The following SFRP1 variants were observed in gnomAD, a reference collection of about 807,000 sequenced individuals.
SFRP1 encodes the protein secreted frizzled related protein 1, also known as secreted frizzled-related protein 1.
In SFRP1, 9 loss-of-function variants were observed where a neutral mutation model predicts 25.9. The observed-to-expected ratio is 0.35, with a 90% CI of 0.21 to 0.61. SFRP1 has a LOEUF of 0.61. Ranked by LOEUF, SFRP1 falls within the 20% of genes least tolerant of loss-of-function variation. The pLI, the probability that SFRP1 is intolerant of heterozygous loss-of-function variation, is 0.78. For synonymous variants in SFRP1, 178 were observed against 174.0 expected (o/e 1.02, Z -0.18); for missense variants, 346 against 418.2 (o/e 0.83, Z 1.51).
At position 41,309,298 on chromosome 8, in the gene SFRP1, T is replaced by A. The variant is rs1401104195; in HGVS notation, c.-139A>T. 2.9e-6 allele frequency: 3 copies of A among 1,030,858 alleles called. No homozygotes were observed. The African/African-American group carries it at 5.0e-5, about 17-fold the overall frequency. The allele number at this position is 1,030,858 out of a possible 1,614,324, so 63.9% of individuals were successfully genotyped here. ...GTTGCCCGGCTCCGCGGCCGCAAGC[T>A]GCTGCCCGGTCCCCCCGGCCAGTGG... On this transcript the variant is annotated 5_prime_UTR_variant, in exon 1 of 3. Transcript: ENST00000220772.
chr8:41,267,941 C>G (rs1803456624), intron 2 of SFRP1, among the ~76,000 whole-genome samples: 1 of 152,210 alleles, frequency 6.6e-6, no homozygotes, highest in Non-Finnish European at 1.5e-5. Flanking sequence ...TTCAAAATGA[C>G]TTCACTTATG....
chr8:41,273,204 T>C (rs1232041511), intron 2 of SFRP1, among the ~76,000 whole-genome samples: 1 of 152,142 alleles, frequency 6.6e-6, no homozygotes, highest in Non-Finnish European at 1.5e-5. Flanking sequence ...TAAAATGTAT[T>C]ATCAGCCAGG....
rs79212859 is a variant in SFRP1, at chr8:41,308,006, A to G, written c.544+610T>C. On this transcript the variant is annotated intron_variant, in intron 1 of 2. Coordinates refer to ENST00000220772, the MANE Select transcript of SFRP1 (RefSeq NM_003012.5). ...TGGTACCTGGAAGGGGTGGAGAAAC[A>G]GAAGTCCCCACGGTTCCTAAACTTT... is the stretch of plus-strand genomic sequence containing the variant. 7.1e-3 allele frequency among the ~76,000 whole-genome samples: 1,084 copies of G among 152,340 alleles called. 10 individuals carry two copies. Among genetic ancestry groups the G allele is most frequent in the African/African-American group, 0.024 (1,006 of 41,578 alleles).
chr8:41,301,648 T>C (rs745606901), intron 2 of SFRP1, among the ~76,000 whole-genome samples: 3 of 152,180 alleles, frequency 2.0e-5, no homozygotes, highest in Non-Finnish European at 2.9e-5. Flanking sequence ...AGGACTCCAG[T>C]TGAGAAAGTC....
chr8:41,283,396 G>C (rs1243397534), intron 2 of SFRP1, among the ~76,000 whole-genome samples: 1 of 152,066 alleles, frequency 6.6e-6, no homozygotes, highest in African/African-American at 2.4e-5. Context: ...ACCCCCGTGA[G>C]ACCATCTAGA....
chr8:41,275,562 G>A (rs1446593292), intron 2 of SFRP1, among the ~76,000 whole-genome samples: 8 of 151,844 alleles, frequency 5.3e-5, no homozygotes, highest in Admixed American at 3.9e-4. Flanking sequence ...GAGTGCAGTG[G>A]CGGAATCTCG....
chr8:41,282,031 G>C (rs1253775620), intron 2 of SFRP1, among the ~76,000 whole-genome samples: 1 of 152,182 alleles, frequency 6.6e-6, no homozygotes, highest in Non-Finnish European at 1.5e-5. Flanking sequence ...CAGGGCCAAG[G>C]GCGCAAAAGG....
In SFRP1 at chr8:41,266,624, C is replaced by T. The variant is rs371482875; in HGVS notation, c.623-1135G>A. ...CTGATTTTTTTTTTTTTTTAAGAGACGGATCTTACTATGTTGCCCAGAACT... is the reference window on the plus strand; with the variant it reads ...CTGATTTTTTTTTTTTTTTAAGAGATGGATCTTACTATGTTGCCCAGAACT... On this transcript the variant is annotated intron_variant, in intron 2 of 2. Coordinates refer to ENST00000220772, the MANE Select transcript of SFRP1 (RefSeq NM_003012.5). 1.7e-4 allele frequency among the ~76,000 whole-genome samples: 25 copies of T among 150,386 alleles called. No individual in the cohort carries two copies. The East Asian group carries it at 3.3e-3, about 20-fold the overall frequency.
intron 2 of SFRP1, among the ~76,000 whole-genome samples, chr8:41,282,346 G>A (rs7844302): frequency 0.5 from 75,500 of 151,980 alleles, 19,704 homozygotes; most frequent in African/African-American, 0.67. Flanking sequence ...CAAGACTCCA[G>A]CTCTACATTT....
In SFRP1 at chr8:41,265,294, C is replaced by A; in HGVS notation, c.818G>T (p.Arg273Leu). The change falls in exon 3 of 3, where the codon CGC becomes CTC. Residue 273 changes from arginine (R) to leucine (L), a missense_variant. Transcript: ENST00000220772. Reference sequence around the variant, plus strand: ...CAGCAAGTACTGGCTCTTCACCTTGCGGCCCATGATGAGGAAGTGGTGGCT... The same window carrying A: ...CAGCAAGTACTGGCTCTTCACCTTGAGGCCCATGATGAGGAAGTGGTGGCT... ...NLSHHFLIMG[R>L]KVKSQYLLTA... 1 of 1,614,182 alleles carries A rather than the reference C, an allele frequency of 6.2e-7. No individual in the cohort carries two copies. The highest frequency in any genetic ancestry group is 8.5e-7 in the Non-Finnish European group (1 of 1,180,030).
At chr8:41,290,435 G>C (rs1054784972) in intron 2 of SFRP1, among the ~76,000 whole-genome samples, 6 of 152,226 alleles carry the variant, frequency 3.9e-5, no homozygotes, top group African/African-American at 7.2e-5. Flanking sequence ...TGCTGCCCCT[G>C]GTCAATAACA....
At chr8:41,300,448 T>C (rs16890443) in intron 2 of SFRP1, among the ~76,000 whole-genome samples, 3,164 of 152,108 alleles carry the variant, frequency 0.021, 114 homozygotes, top group African/African-American at 0.073. Flanking sequence ...CTGAAGAAGG[T>C]AGTACAAGTG....
intron 2 of SFRP1, among the ~76,000 whole-genome samples, chr8:41,292,714 G>A (rs1411745276): frequency 6.6e-6 from 1 of 152,208 alleles, no homozygotes; most frequent in Non-Finnish European, 1.5e-5. Context: ...GTCAACAGAT[G>A]TGGTACAGAC....
intron 2 of SFRP1, among the ~76,000 whole-genome samples, chr8:41,268,692 C>G (rs1803465321): frequency 6.6e-6 from 1 of 152,156 alleles, no homozygotes; most frequent in Non-Finnish European, 1.5e-5. Flanking sequence ...TGCAGACTAC[C>G]AACAATGTTG....
chr8:41,306,055 C>A (rs1287354700), intron 1 of SFRP1, among the ~76,000 whole-genome samples: 2 of 151,952 alleles, frequency 1.3e-5, no homozygotes, highest in African/African-American at 4.9e-5. Flanking sequence ...AATGCATCAG[C>A]CTGGGAGTTC....
At chr8:41,283,407 C>T (rs373625317) in intron 2 of SFRP1, among the ~76,000 whole-genome samples, 1 of 152,136 alleles carries the variant, frequency 6.6e-6, no homozygotes, top group Non-Finnish European at 1.5e-5. Flanking sequence ...ACCATCTAGA[C>T]AGAAAACGTG....
chr8:41,275,189 A>G (rs1803556245), intron 2 of SFRP1: 1 of 453,442 alleles, frequency 2.2e-6, no homozygotes, highest in African/African-American at 2.0e-5. Context: ...TCTGCCTGGA[A>G]CCTGCTCCCT....
intron 2 of SFRP1, among the ~76,000 whole-genome samples, chr8:41,279,267 A>G (rs1302427391): frequency 6.6e-6 from 1 of 152,000 alleles, no homozygotes; most frequent in African/African-American, 2.4e-5. Flanking sequence ...TCAAAGACTC[A>G]CTCGCCAGAC....
chr8:41,265,126 A>ACCCCCCCC lies in SFRP1; in HGVS notation c.*40_*41insGGGGGGGG. 1 of 136,966 alleles carries ACCCCCCCC rather than the reference A, an allele frequency of 7.3e-6. No homozygotes were observed. The highest frequency in any genetic ancestry group is 1.4e-4 in the East Asian group (1 of 7,228). 8.5% of individuals were successfully genotyped at this position (136,966 alleles called of 1,614,324 possible). On this transcript the variant is annotated 3_prime_UTR_variant, in exon 3 of 3. Coordinates refer to ENST00000220772, the MANE Select transcript of SFRP1 (RefSeq NM_003012.5). ...CCGGGGCACTGTCCCCCCCGCTCCCACCCCACCCGAGGCTCCCTCCCCACC... is the reference window on the plus strand; with the variant it reads ...CCGGGGCACTGTCCCCCCCGCTCCCACCCCCCCCCCCCACCCGAGGCTCCCTCCCCACC...
Sources: allele counts gnomAD v4.1 joint callset (sites outside exome capture counted in the v4.1 genomes callset), GRCh38; gene constraint gnomAD v4.1.1; transcripts MANE v1.5; gene names NCBI Gene and HGNC (gene_info 2026-07-23, HGNC 2026-07-21).